The following RPS20 variants were observed in gnomAD, a reference collection of about 807,000 sequenced individuals.
RPS20 encodes the protein ribosomal protein S20, also known as small ribosomal subunit protein uS10.
In RPS20, 3 loss-of-function variants were observed where a neutral mutation model predicts 15.3. The ratio of observed to expected loss-of-function variants is 0.20; its 90% CI spans 0.09 to 0.51. The LOEUF is 0.51. Ranked by LOEUF, RPS20 falls within the 20% of genes least tolerant of loss-of-function variation. RPS20 has a pLI of 0.96. For synonymous variants in RPS20, 62 were observed against 47.8 expected, an observed-to-expected ratio of 1.30 and a Z score of -1.23; for missense variants, 67 against 145.9, an observed-to-expected ratio of 0.46 and a Z score of 2.79.
At chr8:56,072,789 A>C, downstream of RPS20, 4 of 878,342 alleles carry the variant, frequency 4.6e-6, no homozygotes, top group Non-Finnish European at 5.5e-6. Flanking sequence ...TGCATTACAA[A>C]CGCCCCAGAA....
chr8:56,069,633 T>C (rs1281537633), downstream of RPS20: 2 of 1,043,026 alleles, frequency 1.9e-6, no homozygotes, highest in African/African-American at 3.2e-5. Context: ...TAAAATTTCA[T>C]TTGCATCCAC....
At chr8:56,072,839 T>C, downstream of RPS20, 4 of 1,184,122 alleles carry the variant, frequency 3.4e-6, no homozygotes, top group Non-Finnish European at 4.2e-6. Flanking sequence ...ATCTAGAGTA[T>C]GCCAAAGTTA....
chr8:56,072,113 CTTG>C (rs552659925), downstream of RPS20, among the ~76,000 whole-genome samples: 67 of 152,214 alleles, frequency 4.4e-4, 1 homozygote, highest in African/African-American at 1.6e-3. Flanking sequence ...TAGCCACATG[CTTG>C]TTAAGTCCCA....
At position 56,074,427 on chromosome 8, in the gene RPS20, G is replaced by A. The variant is rs1289141371; in HGVS notation, c.-44C>T. The A allele has an allele frequency of 6.5e-6, 10 of 1,548,660 alleles. No homozygotes were observed. The highest frequency in any genetic ancestry group is 8.7e-6 in the Non-Finnish European group (10 of 1,152,974). Reference sequence around the variant, plus strand: ...TCCTGACCGACTTGTTCCTCGGCGAGAGCGAACAGCGGTGAGTCAGGAGCA... The same window carrying A: ...TCCTGACCGACTTGTTCCTCGGCGAAAGCGAACAGCGGTGAGTCAGGAGCA... On this transcript the variant is annotated 5_prime_UTR_variant, in exon 1 of 4. Transcript: ENST00000009589.
chr8:56,073,498 G>A, intron 3 of RPS20, 197 bp downstream of exon 3: 1 of 644,642 alleles, frequency 1.6e-6, no homozygotes, highest in African/African-American at 1.8e-5. Context: ...AGCACACCAA[G>A]AACACAGCAA....
downstream of RPS20, chr8:56,068,272 T>C (rs370235535): frequency 6.6e-6 from 1 of 152,148 alleles, no homozygotes; most frequent in African/African-American, 2.4e-5. Context: ...GTCAAGGAAA[T>C]ATCACAGAAT....
intron 3 of RPS20, 166 bp downstream of exon 3, chr8:56,073,529 C>A: frequency 1.5e-6 from 1 of 673,520 alleles, no homozygotes; most frequent in South Asian, 1.7e-5. Flanking sequence ...ACAATCATAT[C>A]TAAACATTAG....
downstream of RPS20, chr8:56,069,696 C>T (rs1158850451): frequency 1.9e-6 from 3 of 1,539,642 alleles, no homozygotes; most frequent in Non-Finnish European, 1.8e-6. Context: ...TGTTTCTCCA[C>T]TTATACCTGC....
chr8:56,068,807 C>CTTTTTTTTTTTTTTTTTT (rs61576194), downstream of RPS20, among the ~76,000 whole-genome samples: 10 of 27,692 alleles, frequency 3.6e-4, 3 homozygotes, highest in Non-Finnish European at 4.2e-4. Context: ...GTGAAAATAT[C>CTTTTTTTTTTTTTTTTTT]TTTTTTTTTT....
At chr8:56,073,668 A>C in intron 3 of RPS20, 27 bp downstream of exon 3, 2 of 1,589,784 alleles carry the variant, frequency 1.3e-6, no homozygotes, top group Non-Finnish European at 1.7e-6. Context: ...AGCAACTCCT[A>C]CTTCCTGCCC....
chr8:56,073,371 T>G (rs1585722884), intron 3 of RPS20, 99 bp from the exon 4 acceptor site: 1 of 824,116 alleles, frequency 1.2e-6, no homozygotes, highest in East Asian at 2.4e-5. Context: ...TTAGTTTCCC[T>G]TTGGTATGAT....
chr8:56,070,967 C>T (rs187629845), downstream of RPS20, among the ~76,000 whole-genome samples: 6 of 152,286 alleles, frequency 3.9e-5, no homozygotes, highest in Admixed American at 3.9e-4. Context: ...TTTAATCTAT[C>T]CTGAATTCCC....
downstream of RPS20, chr8:56,072,949 G>A (rs1809806491): frequency 2.1e-6 from 3 of 1,419,352 alleles, no homozygotes; most frequent in Non-Finnish European, 2.8e-6. Context: ...AAACAGGATA[G>A]ACCACTCTAA....
At chr8:56,068,792 T>C (rs1214084343), downstream of RPS20, among the ~76,000 whole-genome samples, 3 of 145,282 alleles carry the variant, frequency 2.1e-5, no homozygotes, top group Non-Finnish European at 4.5e-5. Flanking sequence ...TTCCATATTC[T>C]CTTGGTGAAA....
At chr8:56,071,014 G>A (rs934089322), downstream of RPS20, among the ~76,000 whole-genome samples, 11 of 152,142 alleles carry the variant, frequency 7.2e-5, no homozygotes, top group African/African-American at 2.7e-4. Flanking sequence ...TTCCATGCAG[G>A]TATTTTTAAG....
chr8:56,074,458 G>T lies in RPS20; in HGVS notation c.-75C>A. 6.6e-7 allele frequency: 1 copy of T among 1,507,498 alleles called. No individual in the cohort carries two copies. Among genetic ancestry groups the T allele is most frequent in the Non-Finnish European group, 8.9e-7 (1 of 1,125,570 alleles). 93.4% of individuals were successfully genotyped at this position (1,507,498 alleles called of 1,614,324 possible). On this transcript the variant is annotated 5_prime_UTR_variant, in exon 1 of 4. Coordinates refer to ENST00000009589, the MANE Select transcript of RPS20 (RefSeq NM_001023.4). Reference sequence around the variant, plus strand: ...ACAGCGGTGAGTCAGGAGCAGGAGCGTGCGGACCAAAAATCCTCAGCCCTT... The same window carrying T: ...ACAGCGGTGAGTCAGGAGCAGGAGCTTGCGGACCAAAAATCCTCAGCCCTT...
rs374198719 is a variant in RPS20, at chr8:56,073,689, C to T, written c.177+6G>A. 1 of 1,612,790 alleles carries T rather than the reference C, an allele frequency of 6.2e-7. No individual in the cohort carries two copies. Among genetic ancestry groups the T allele is most frequent in the Non-Finnish European group, 8.5e-7 (1 of 1,179,070 alleles). On this transcript the variant is annotated splice_donor_region_variant and intron_variant, in intron 3 of 3. Transcript: ENST00000009589. ...TCCTACTTCCTGCCCCTCCGATTTA[C>T]TTTACCTTGGTAGGCATTCGAACTG...
exon 6 of RPS20, chr8:56,067,868 T>TG (rs1809653548): frequency 6.6e-6 from 1 of 151,740 alleles, no homozygotes. Context: ...TGGTTCAGGG[T>TG]GAAAAAAAAG....
downstream of RPS20, among the ~76,000 whole-genome samples, chr8:56,071,213 G>C (rs1196990721): frequency 1.3e-5 from 2 of 152,160 alleles, no homozygotes; most frequent in African/African-American, 2.4e-5. Context: ...TTACTGAAGT[G>C]TATTTTTCAC....
Sources: allele counts gnomAD v4.1 joint callset (sites outside exome capture counted in the v4.1 genomes callset), GRCh38; gene constraint gnomAD v4.1.1; transcripts MANE v1.5; gene names NCBI Gene and HGNC (gene_info 2026-07-23, HGNC 2026-07-21).